The following PRR19 variants were observed in gnomAD, a reference collection of about 807,000 sequenced individuals.
The protein encoded by PRR19 is proline rich 19, also known as proline-rich protein 19.
Under a neutral mutation model 19.2 loss-of-function variants are expected in PRR19, and 9 were observed. The observed-to-expected ratio is 0.47, with a 90% CI of 0.28 to 0.82. The LOEUF is 0.82. Among genes scored for constraint, PRR19 ranks in the 40% least tolerant of loss-of-function variants. The pLI is 0.11. For missense variants in PRR19, 457 were observed against 466.0 expected, an observed-to-expected ratio of 0.98 and a Z score of 0.18; for synonymous variants, 190 against 191.0, an observed-to-expected ratio of 0.99 and a Z score of 0.04.
intron 1 of PRR19, among the ~76,000 whole-genome samples, chr19:42,306,034 G>C (rs1473145081): frequency 6.6e-6 from 1 of 152,098 alleles, no homozygotes; most frequent in African/African-American, 2.4e-5. Context: ...AATGCATGTG[G>C]CCTAATTTTT....
chr19:42,302,572 C>T (rs2038654314), intron 1 of PRR19, 69 bp downstream of exon 1: 2 of 443,054 alleles, frequency 4.5e-6, no homozygotes, highest in Non-Finnish European at 8.1e-6. Context: ...GCGCTTCCCG[C>T]TCGGGCCGCT....
At chr19:42,304,518 C>T (rs1015981861) in intron 1 of PRR19, among the ~76,000 whole-genome samples, 9 of 149,998 alleles carry the variant, frequency 6.0e-5, no homozygotes, top group Admixed American at 2.0e-4. Flanking sequence ...TTTGGGAGGC[C>T]GAGGTGGGCA....
chr19:42,310,135 G>A lies in PRR19; in HGVS notation c.551G>A (p.Cys184Tyr), dbSNP rs760149392. The change falls in exon 2 of 3, where the codon TGT becomes TAT. Residue 184 changes from cysteine (C) to tyrosine (Y), a missense_variant. Coordinates refer to ENST00000341747, the MANE Select transcript of PRR19 (RefSeq NM_199285.3). Reference sequence around the variant, plus strand: ...CACACCTTGCAGGCCTGTCATGGTTGTGTGCCTGACCTTGCCCTGGTGCTT... The same window carrying A: ...CACACCTTGCAGGCCTGTCATGGTTATGTGCCTGACCTTGCCCTGGTGCTT... ...IVHTLQACHGCVPDLALVLRG... is the reference protein window; with the variant it reads ...IVHTLQACHGYVPDLALVLRG... 14 of 1,613,976 alleles carry A rather than the reference G, an allele frequency of 8.7e-6. No individual in the cohort carries two copies. Among genetic ancestry groups the A allele is most frequent in the Middle Eastern group, 1.6e-4 (1 of 6,084 alleles).
At position 42,302,482 on chromosome 19, in the gene PRR19, G is replaced by C. The variant is rs1024156575; in HGVS notation, c.-28G>C. 2 of 595,954 alleles carry C rather than the reference G, an allele frequency of 3.4e-6. No individual in the cohort carries two copies. The highest frequency in any genetic ancestry group is 3.7e-5 in the African/African-American group (2 of 53,594). 36.9% of individuals were successfully genotyped at this position (595,954 alleles called of 1,614,324 possible). ...TACAGGGCGCCGCCTCCTCTCCAGG[G>C]ACGGAAGCCTTCACTTAGGAGGTAG... On this transcript the variant is annotated 5_prime_UTR_variant, in exon 1 of 3. Transcript: ENST00000341747.
intron 1 of PRR19, among the ~76,000 whole-genome samples, chr19:42,308,536 TTACAGGCGCGCACCATCACA>T (rs889960880): frequency 3.3e-5 from 5 of 151,882 alleles, no homozygotes; most frequent in Admixed American, 6.6e-5. Context: ...GTAGCTGGGA[TTACAGGCGCGCACCATCACA>T]TACAGCTAAT....
In PRR19 at chr19:42,310,624, C is replaced by G; in HGVS notation, c.955C>G (p.Arg319Gly). 6.2e-7 allele frequency: 1 copy of G among 1,613,940 alleles called. No individual in the cohort carries two copies. The highest frequency in any genetic ancestry group is 8.5e-7 in the Non-Finnish European group (1 of 1,179,946). ...LPQPSSPLLP[R>G]TSVLDWSPSP... ...TCAGCCTTCATCACCCCTGTTGCCC[C>G]GAACCTCTGTCCTGGACTGGAGCCC... is the stretch of plus-strand genomic sequence containing the variant. Residue 319 changes from arginine (R) to glycine (G), a missense_variant, in exon 3 of 3, where the codon CGA (arginine) becomes GGA (glycine). Transcript: ENST00000341747.
chr19:42,310,414 A>G lies in PRR19; in HGVS notation c.745A>G (p.Thr249Ala). 6.2e-7 allele frequency: 1 copy of G among 1,614,112 alleles called. No individual in the cohort carries two copies. The highest frequency in any genetic ancestry group is 8.5e-7 in the Non-Finnish European group (1 of 1,179,986). ...CATGCCCTACACCTCCAGCATGCCC[A>G]CTGCGCACAGGGGGAGTCTGGCACC... ...FPMPYTSSMP[T>A]AHRGSLAPPR... Residue 249 changes from threonine (T) to alanine (A), a missense_variant, in exon 3 of 3, where the codon ACT (threonine) becomes GCT (alanine). Physicochemically the swap from Thr to Ala is moderately conservative, Grantham distance 58. Transcript: ENST00000341747.
intron 1 of PRR19, among the ~76,000 whole-genome samples, chr19:42,308,355 C>T (rs2038738944): frequency 2.7e-5 from 4 of 149,708 alleles, no homozygotes; most frequent in Admixed American, 2.0e-4. Context: ...GCTTCCCTAG[C>T]AGCTGGGACT....
chr19:42,303,914 A>C (rs2038677400), intron 1 of PRR19, among the ~76,000 whole-genome samples: 1 of 152,114 alleles, frequency 6.6e-6, no homozygotes, highest in Non-Finnish European at 1.5e-5. Context: ...AGAATGGGCA[A>C]GCAGAAAGAA....
intron 2 of PRR19, 34 bp from the exon 3 acceptor site, chr19:42,310,237 C>CA: frequency 1.2e-6 from 2 of 1,613,804 alleles, no homozygotes; most frequent in Non-Finnish European, 8.5e-7. Flanking sequence ...GGCTCTAGCT[C>CA]AGCTAGCCTC....
chr19:42,304,983 A>C (rs1410774940), intron 1 of PRR19, among the ~76,000 whole-genome samples: 2 of 151,852 alleles, frequency 1.3e-5, no homozygotes, highest in Non-Finnish European at 1.5e-5. Flanking sequence ...TGAGGTGGGC[A>C]GATCACTTGG....
rs138209045 is a variant in PRR19 at position 42,302,265 on chromosome 19, C to T, written c.-245C>T. On this transcript the variant is annotated 5_prime_UTR_variant, in exon 1 of 3. Coordinates refer to ENST00000341747, the MANE Select transcript of PRR19 (RefSeq NM_199285.3). ...TCCAGCGCCCGTCGCCCTGTACGTC[C>T]TGCACCGGCGTGGGCTTGCTGGCTG... 16 of 1,607,008 alleles carry T rather than the reference C, an allele frequency of 1.0e-5. No individual in the cohort carries two copies. In the African/African-American group the frequency reaches 1.3e-4, roughly 13 times the overall value.
chr19:42,308,164 C>A (rs76313922), intron 1 of PRR19, among the ~76,000 whole-genome samples: 1 of 152,174 alleles, frequency 6.6e-6, no homozygotes, highest in East Asian at 1.9e-4. Flanking sequence ...TCATCTTACC[C>A]CTGTGATTCC....
chr19:42,309,315 C>T (rs1454351552), intron 1 of PRR19: 1 of 266,872 alleles, frequency 3.7e-6, no homozygotes. Flanking sequence ...CTCAGGTAAT[C>T]TGCCTGCCTT....
At chr19:42,308,185 A>G (rs2038736160) in intron 1 of PRR19, among the ~76,000 whole-genome samples, 1 of 152,098 alleles carries the variant, frequency 6.6e-6, no homozygotes, top group Admixed American at 6.6e-5. Flanking sequence ...TTATCTGACC[A>G]AACCTTTTCC....
Position 42,309,913 on chromosome 19 carries a change from CA to C in PRR19, c.330del (p.Gly111AlafsTer45). ...PTLPAKPSPS[P>X]GRAQEPAPRS... ...CTCCCCGCCAAGCCCTCCCCAAGCC[CA>C]GGCAGGGCCCAGGAACCAGCCCCAC... is the stretch of plus-strand genomic sequence containing the variant. On this transcript the variant is annotated frameshift_variant, in exon 2 of 3. Coordinates refer to ENST00000341747, the MANE Select transcript of PRR19 (RefSeq NM_199285.3). LOFTEE classifies it high-confidence loss of function. 6.2e-7 allele frequency: 1 copy of C among 1,613,950 alleles called. No individual in the cohort carries two copies. The highest frequency in any genetic ancestry group is 8.5e-7 in the Non-Finnish European group (1 of 1,179,950).
chr19:42,310,334 TC>T lies in PRR19; in HGVS notation c.668del (p.Pro223GlnfsTer64). On this transcript the variant is annotated frameshift_variant, in exon 3 of 3. Transcript: ENST00000341747. LOFTEE classifies it low-confidence loss of function (END_TRUNC). ...TTCTGGATTAATAGCCCTGATCAAG[TC>T]CCAGAGCAGGAGAGGCAAAGGAAGC... is the stretch of plus-strand genomic sequence containing the variant. The part of the protein sequence containing the change: ...TPFWINSPDQ[V>X]PEQERQRKQQ... 6.2e-7 allele frequency: 1 copy of T among 1,613,988 alleles called. No individual in the cohort carries two copies. Among genetic ancestry groups the T allele is most frequent in the East Asian group, 2.2e-5 (1 of 44,862 alleles).
Position 42,302,339 on chromosome 19 carries a change from G to C in PRR19, c.-171G>C. 6.4e-7 allele frequency: 1 copy of C among 1,565,722 alleles called. No homozygotes were observed. The highest frequency in any genetic ancestry group is 8.6e-7 in the Non-Finnish European group (1 of 1,157,432). On this transcript the variant is annotated 5_prime_UTR_variant, in exon 1 of 3. Transcript: ENST00000341747. ...GCGCCGCAGCTCCTGCAGGATGAGC[G>C]AGTCGGGTCGGCCCGGGAGTGTTCC...
intron 1 of PRR19, among the ~76,000 whole-genome samples, chr19:42,304,567 G>A (rs1021380794): frequency 6.6e-6 from 1 of 150,626 alleles, no homozygotes; most frequent in Non-Finnish European, 1.5e-5. Flanking sequence ...TGGCTAACAC[G>A]GTGAAACCCC....
Sources: gnomAD v4.1 joint callset for allele counts (sites outside exome capture counted in the v4.1 genomes callset) on GRCh38, gnomAD v4.1.1 for gene constraint, MANE v1.5 for transcripts, NCBI Gene and HGNC (gene_info 2026-07-23, HGNC 2026-07-21) for gene names.